The following PTPRB variants were observed in gnomAD, a reference collection of about 807,000 sequenced individuals.
PTPRB encodes receptor-type tyrosine-protein phosphatase beta.
PTPRB carries 97 observed loss-of-function variants against 238.1 expected under a neutral mutation model. The observed-to-expected ratio is 0.41, with a 90% CI of 0.35 to 0.48. PTPRB has a LOEUF of 0.48. Among genes scored for constraint, PTPRB ranks in the 20% least tolerant of loss-of-function variants. The pLI, the probability that PTPRB is intolerant of heterozygous loss-of-function variation, is 0.30. For synonymous variants in PTPRB, 970 were observed against 995.4 expected (o/e 0.97, Z 0.48); for missense variants, 2,292 against 2,681.9 (o/e 0.85, Z 3.21).
chr12:70,629,934 GA>G (rs1200084659), intron 2 of PTPRB, among the ~76,000 whole-genome samples: 3 of 152,142 alleles, frequency 2.0e-5, no homozygotes, highest in Non-Finnish European at 2.9e-5. Context: ...AACAGGTTCT[GA>G]AATTGAGGCA....
chr12:70,539,031 G>T lies in PTPRB; in HGVS notation c.5779-17C>A, dbSNP rs1281662348. The T allele has an allele frequency of 6.3e-7, 1 of 1,578,766 alleles. No individual in the cohort carries two copies. Among genetic ancestry groups the T allele is most frequent in the South Asian group, 1.1e-5 (1 of 89,790 alleles). On this transcript the variant is annotated splice_polypyrimidine_tract_variant and intron_variant, in intron 26 of 33. Transcript: ENST00000334414. The stretch of plus-strand genomic sequence containing the variant: ...TTTTAACTCCTGTTAGGTCAAATAT[G>T]AGTTTGTAAGTGGAGAATATGAAAT...
At position 70,519,366 on chromosome 12, in the gene PTPRB, C is replaced by T. The variant is rs1440834874; in HGVS notation, c.*2123G>A. 2 of 152,138 alleles carry T rather than the reference C, an allele frequency of 1.3e-5. No homozygotes were observed. Among genetic ancestry groups the T allele is most frequent in the African/African-American group, 4.8e-5 (2 of 41,432 alleles). 9.4% of individuals were successfully genotyped at this position (152,138 alleles called of 1,614,324 possible). A position where few individuals can be genotyped will look rare whatever the true frequency, so the allele number is the denominator to read the frequency against. ...TGGCCTGTGGAAGGTGACCACTGTCCTAGACTGGCTCAGTTATCCCATTCC... is the reference window on the plus strand; with the variant it reads ...TGGCCTGTGGAAGGTGACCACTGTCTTAGACTGGCTCAGTTATCCCATTCC... On this transcript the variant is annotated 3_prime_UTR_variant, in exon 34 of 34. Coordinates refer to ENST00000334414, the MANE Select transcript of PTPRB (RefSeq NM_001109754.4).
At chr12:70,609,999 C>G (rs1265633837) in intron 3 of PTPRB, among the ~76,000 whole-genome samples, 2 of 151,974 alleles carry the variant, frequency 1.3e-5, no homozygotes, top group African/African-American at 4.8e-5. Context: ...TCCTGCCGCC[C>G]CGGGCGGGCT....
At chr12:70,538,277 A>G in intron 27 of PTPRB, 46 bp from the exon 28 acceptor site, 1 of 1,519,744 alleles carries the variant, frequency 6.6e-7, no homozygotes, top group Non-Finnish European at 9.1e-7. Flanking sequence ...ACTTTTCTAC[A>G]GTTTATGTGA....
intron 33 of PTPRB, among the ~76,000 whole-genome samples, chr12:70,523,517 T>C (rs1395467613): frequency 6.6e-6 from 1 of 152,160 alleles, no homozygotes; most frequent in African/African-American, 2.4e-5. Context: ...GATTTTACAA[T>C]TTGAACTAGT....
chr12:70,538,965 G>A lies in PTPRB; in HGVS notation c.5828C>T (p.Pro1943Leu), dbSNP rs138916804. The stretch of plus-strand genomic sequence containing the variant: ...GTATCGATTTTTCCCTCTATTCTCC[G>A]GCAAGAGTGCAATGTCACATGACTG... ...RNQSCDIALL[P>L]ENRGKNRYNN... The change falls in exon 27 of 34, where the codon CCG becomes CTG. Residue 1943 changes from proline (P) to leucine (L), a missense_variant. Pro to Leu is a moderately conservative substitution (Grantham distance 98). Coordinates refer to ENST00000334414, the MANE Select transcript of PTPRB (RefSeq NM_001109754.4). 2.9e-4 allele frequency: 474 copies of A among 1,613,596 alleles called. 3 individuals carry two copies. In the East Asian group the frequency reaches 9.4e-3, roughly 32 times the overall value.
chr12:70,523,946 G>A (rs926318473), intron 33 of PTPRB, among the ~76,000 whole-genome samples: 5 of 151,868 alleles, frequency 3.3e-5, no homozygotes, highest in African/African-American at 1.2e-4. Flanking sequence ...CCGAGTAGCT[G>A]GGATTACAGG....
chr12:70,543,823 C>A (rs1264556261), intron 22 of PTPRB, among the ~76,000 whole-genome samples: 1 of 152,218 alleles, frequency 6.6e-6, no homozygotes, highest in East Asian at 1.9e-4. Context: ...GCTGCACCAT[C>A]TTGGGCAAAT....
rs1877636021 is a variant in PTPRB at position 70,556,134 on chromosome 12, G to T, written c.4729C>A (p.Gln1577Lys). 6.2e-7 allele frequency: 1 copy of T among 1,613,276 alleles called. No individual in the cohort carries two copies. The highest frequency in any genetic ancestry group is 2.2e-5 in the East Asian group (1 of 44,868). Residue 1577 changes from glutamine (Q) to lysine (K), a missense_variant, in exon 19 of 34, where the codon CAA becomes AAA. Transcript: ENST00000334414. ...GSVRTKPDKI[Q>K]NLHCRPQNST... ...TTCTGAGGCCGGCAATGCAGGTTTT[G>T]TATCTTGTCAGGCTCTAAAGGAAAC...
chr12:70,540,297 C>T (rs1214277110), intron 23 of PTPRB: 1 of 319,478 alleles, frequency 3.1e-6, no homozygotes, highest in Non-Finnish European at 5.7e-6. Context: ...TAAAACTTTG[C>T]TTTAAAAAAA....
At chr12:70,569,558 G>A (rs1186513216) in intron 14 of PTPRB, 117 bp downstream of exon 14, 2 of 1,249,532 alleles carry the variant, frequency 1.6e-6, no homozygotes, top group Admixed American at 1.9e-5. Context: ...CCATTGAATT[G>A]TACAAACTTT....
At position 70,540,976 on chromosome 12, in the gene PTPRB, AAAC is replaced by A. The variant is rs898987505; in HGVS notation, c.5495-22_5495-20del. On this transcript the variant is annotated intron_variant, in intron 22 of 33. Coordinates refer to ENST00000334414, the MANE Select transcript of PTPRB (RefSeq NM_001109754.4). ...AAGGGCTCTACAATAATCCAGATAGAAACAACAAACGCAGGTGGGAAAATTAGT... is the reference window on the plus strand; with the variant it reads ...AAGGGCTCTACAATAATCCAGATAGAAACAAACGCAGGTGGGAAAATTAGT... 2 of 1,576,210 alleles carry A rather than the reference AAAC, an allele frequency of 1.3e-6. No individual in the cohort carries two copies. Among genetic ancestry groups the A allele is most frequent in the African/African-American group, 1.4e-5 (1 of 74,070 alleles).
chr12:70,553,157 A>C, intron 20 of PTPRB, 137 bp from the exon 21 acceptor site: 2 of 1,091,590 alleles, frequency 1.8e-6, no homozygotes, highest in South Asian at 1.6e-5. Context: ...CTGCAATCTC[A>C]AAGAACGATG....
chr12:70,538,902 C>G (rs892979829), intron 27 of PTPRB, 22 bp downstream of exon 27: 1 of 1,588,060 alleles, frequency 6.3e-7, no homozygotes, highest in Non-Finnish European at 8.6e-7. Context: ...GACAGTATTA[C>G]AAATTTTGAC....
chr12:70,617,149 T>C (rs141799860), intron 3 of PTPRB, among the ~76,000 whole-genome samples: 2 of 152,258 alleles, frequency 1.3e-5, no homozygotes, highest in East Asian at 1.9e-4. Context: ...TGGAAAACAA[T>C]GCAAATCGCC....
chr12:70,535,441 T>C (rs955160482), intron 29 of PTPRB, among the ~76,000 whole-genome samples: 1 of 152,096 alleles, frequency 6.6e-6, no homozygotes, highest in African/African-American at 2.4e-5. Context: ...AACGTTTAGC[T>C]AAGCTCGCCT....
intron 4 of PTPRB, among the ~76,000 whole-genome samples, chr12:70,607,309 C>T (rs995648092): frequency 2.0e-5 from 3 of 152,232 alleles, no homozygotes; most frequent in African/African-American, 7.2e-5. Flanking sequence ...CCACTGAACA[C>T]ATACACTAGT....
At chr12:70,561,209 G>A (rs577505584) in intron 16 of PTPRB, among the ~76,000 whole-genome samples, 13 of 152,080 alleles carry the variant, frequency 8.5e-5, no homozygotes, top group Admixed American at 3.3e-4. Flanking sequence ...TGAATAAATC[G>A]TTGTCATTTA....
chr12:70,523,459 A>G (rs568407174), intron 33 of PTPRB, among the ~76,000 whole-genome samples: 20 of 152,340 alleles, frequency 1.3e-4, no homozygotes, highest in African/African-American at 4.6e-4. Context: ...CAAGATAAGA[A>G]CATATGAAGG....
Sources: gnomAD v4.1 joint callset for allele counts (sites outside exome capture counted in the v4.1 genomes callset) on GRCh38, gnomAD v4.1.1 for gene constraint, MANE v1.5 for transcripts, NCBI Gene and HGNC (gene_info 2026-07-23, HGNC 2026-07-21) for gene names.